Variants in CCAR1 observed in about 807,000 individuals in gnomAD.
The protein encoded by CCAR1 is cell division cycle and apoptosis regulator protein 1.
CCAR1 carries 78 observed loss-of-function variants against 163.8 expected under a neutral mutation model. The observed-to-expected ratio is 0.48, with a 90% CI of 0.40 to 0.57. The LOEUF is 0.57. Among genes scored for constraint, CCAR1 ranks in the 20% least tolerant of loss-of-function variants. The pLI is 0.00. For missense variants in CCAR1, 1,019 were observed against 1,365.2 expected, an observed-to-expected ratio of 0.75 and a Z score of 4.00; for synonymous variants, 443 against 460.7, an observed-to-expected ratio of 0.96 and a Z score of 0.49.
intron 4 of CCAR1, among the ~76,000 whole-genome samples, chr10:68,739,793 CA>C (rs932425544): frequency 3.3e-5 from 5 of 152,174 alleles, no homozygotes; most frequent in Non-Finnish European, 5.9e-5. Flanking sequence ...TCTTAACTTA[CA>C]AAAAAATAGT....
At position 68,771,316 on chromosome 10, in the gene CCAR1, TA is replaced by T; in HGVS notation, c.2416del (p.Ser806AlafsTer85). 1 of 1,601,806 alleles carries T rather than the reference TA, an allele frequency of 6.2e-7. No homozygotes were observed. Among genetic ancestry groups the T allele is most frequent in the Non-Finnish European group, 8.5e-7 (1 of 1,174,420 alleles). ...AGAAAGAGGACAAAAAAGAAAAGGATAAAAAAAGCAAAAAAGATGAGAGAAA... is the reference window on the plus strand; with the variant it reads ...AGAAAGAGGACAAAAAAGAAAAGGATAAAAAAGCAAAAAAGATGAGAGAAA... Reference protein sequence around the residue: ...PEKEDKKEKDKKSKKDERKDK... With the variant: ...PEKEDKKEKDXKSKKDERKDK... On this transcript the variant is annotated frameshift_variant, in exon 18 of 25. Transcript: ENST00000265872. LOFTEE classifies it high-confidence loss of function.
chr10:68,790,731 G>A (rs993279101), intron 24 of CCAR1, among the ~76,000 whole-genome samples: 7 of 151,780 alleles, frequency 4.6e-5, no homozygotes, highest in East Asian at 1.9e-4. Context: ...GTTTCAGACC[G>A]GGCGCGGTGG....
rs759516425 is a variant in CCAR1, at chr10:68,788,170, C to G, written c.3029C>G (p.Thr1010Arg). The G allele has an allele frequency of 1.3e-5, 20 of 1,580,358 alleles. No individual in the cohort carries two copies. Among genetic ancestry groups the G allele is most frequent in the Middle Eastern group, 3.4e-4 (2 of 5,904 alleles). The change falls in exon 23 of 25, where the codon ACA (threonine) becomes AGA (arginine). Residue 1010 changes from threonine to arginine, a missense_variant. By Grantham distance (71) the Thr-to-Arg change is moderately conservative. This residue lies in a region of CCAR1 where 358 missense variants were observed against 406.4 expected (regional missense o/e 0.88). Transcript: ENST00000265872. ...AACAGATTATTACTTCCAACACCAA[C>G]AGTAAAGCAGGAATCAAAGGATGTG... ...LGNRLLLPTP[T>R]VKQESKDVEE...
rs968079933 is a variant in CCAR1, at chr10:68,783,042, A to G, written c.2651-3094A>G. 2.2e-5 allele frequency among the ~76,000 whole-genome samples: 3 copies of G among 137,894 alleles called. No individual in the cohort carries two copies. The South Asian group carries it at 6.7e-4, about 31-fold the overall frequency. The allele number at this position is 137,894 out of a possible 152,430, so 90.5% of individuals were successfully genotyped here. A position where few individuals can be genotyped will look rare whatever the true frequency, so the allele number is the denominator to read the frequency against. ...TTTTGAGACAGGGTTTCACTCTGTC[A>G]TGCAGGCTGGAATGCAGTGGCGTGA... On this transcript the variant is annotated intron_variant, in intron 19 of 24. Coordinates refer to ENST00000265872, the MANE Select transcript of CCAR1 (RefSeq NM_018237.4).
At chr10:68,752,886 A>G (rs1275920009) in intron 10 of CCAR1, among the ~76,000 whole-genome samples, 17 of 29,136 alleles carry the variant, frequency 5.8e-4, no homozygotes, top group Admixed American at 1.1e-3. Flanking sequence ...AGGATAGAAT[A>G]GATAGATAGA....
chr10:68,786,768 T>G, intron 21 of CCAR1, 76 bp downstream of exon 21: 1 of 1,291,500 alleles, frequency 7.7e-7, no homozygotes. Flanking sequence ...TAATAGAACC[T>G]CTGTTGACTT....
At chr10:68,761,948 A>G (rs568435840) in intron 16 of CCAR1, among the ~76,000 whole-genome samples, 112 of 152,218 alleles carry the variant, frequency 7.4e-4, no homozygotes, top group Non-Finnish European at 1.4e-3. Context: ...ATAAAATTCA[A>G]CCTTTTTTGT....
intron 19 of CCAR1, among the ~76,000 whole-genome samples, chr10:68,780,924 A>T (rs1041315117): frequency 3.3e-5 from 5 of 152,098 alleles, no homozygotes; most frequent in Non-Finnish European, 7.4e-5. Flanking sequence ...ATTCCCTGAG[A>T]CAAAACATTG....
At chr10:68,773,780 C>T (rs2056630417) in intron 19 of CCAR1, among the ~76,000 whole-genome samples, 1 of 152,164 alleles carries the variant, frequency 6.6e-6, no homozygotes, top group Admixed American at 6.5e-5. Flanking sequence ...GGCATGCTCA[C>T]AGCTCACTGC....
chr10:68,749,083 C>T (rs2056297716), intron 8 of CCAR1, 53 bp from the exon 9 acceptor site: 4 of 1,606,428 alleles, frequency 2.5e-6, no homozygotes, highest in African/African-American at 2.7e-5. Flanking sequence ...TCAGGTAATG[C>T]CTTCGAACTT....
At chr10:68,744,370 A>G (rs561886691) in intron 6 of CCAR1, among the ~76,000 whole-genome samples, 1 of 152,066 alleles carries the variant, frequency 6.6e-6, no homozygotes, top group Non-Finnish European at 1.5e-5. Flanking sequence ...TGTCCTTGTA[A>G]TCTCAGTTTC....
intron 6 of CCAR1, among the ~76,000 whole-genome samples, chr10:68,746,060 C>A (rs2056250518): frequency 1.3e-5 from 2 of 151,176 alleles, no homozygotes; most frequent in African/African-American, 4.9e-5. Context: ...ACAACCTCTG[C>A]CTCCCGGGTT....
intron 5 of CCAR1, 71 bp downstream of exon 5, chr10:68,740,732 A>C: frequency 4.9e-6 from 6 of 1,235,030 alleles, no homozygotes; most frequent in Non-Finnish European, 6.9e-6. Flanking sequence ...TTAGTATTCT[A>C]CTTTTTCTTT....
chr10:68,737,918 T>C (rs780058365), intron 4 of CCAR1, 29 bp downstream of exon 4: 2 of 1,487,004 alleles, frequency 1.3e-6, no homozygotes, highest in South Asian at 1.2e-5. Flanking sequence ...TGTTAAAAAC[T>C]GATTTTAAAA....
At chr10:68,773,162 T>C in intron 19 of CCAR1, 63 bp downstream of exon 19, 1 of 824,532 alleles carries the variant, frequency 1.2e-6, no homozygotes, top group Non-Finnish European at 1.9e-6. Context: ...TTGCTGACAT[T>C]GTATTCACTG....
chr10:68,734,139 T>G (rs1266751955), intron 2 of CCAR1, among the ~76,000 whole-genome samples: 1 of 152,114 alleles, frequency 6.6e-6, no homozygotes, highest in Non-Finnish European at 1.5e-5. Flanking sequence ...TTTGAATGAA[T>G]TTTTGTGATG....
intron 16 of CCAR1, among the ~76,000 whole-genome samples, chr10:68,765,099 T>C (rs535468337): frequency 6.6e-6 from 1 of 152,340 alleles, no homozygotes; most frequent in East Asian, 1.9e-4. Flanking sequence ...TTGGCTTGCT[T>C]TCTGAAGTTT....
At chr10:68,740,519 A>C (rs1330622031) in intron 4 of CCAR1, 110 bp from the exon 5 acceptor site, 3 of 923,166 alleles carry the variant, frequency 3.2e-6, no homozygotes, top group Admixed American at 4.1e-5. Flanking sequence ...TAAATACATA[A>C]ATAAAAATAA....
At chr10:68,747,046 TA>T in intron 6 of CCAR1, 114 bp from the exon 7 acceptor site, 7 of 587,632 alleles carry the variant, frequency 1.2e-5, no homozygotes, top group Non-Finnish European at 1.5e-5. Context: ...GTTTACTGTT[TA>T]TTTTTTTTTG....
Sources: allele counts gnomAD v4.1 joint callset (sites outside exome capture counted in the v4.1 genomes callset), GRCh38; gene constraint gnomAD v4.1.1; regional missense constraint gnomAD v4.1.1; transcripts MANE v1.5; gene names NCBI Gene and HGNC (gene_info 2026-07-23, HGNC 2026-07-21).